DNM3: variants seen among roughly 807,000 people sequenced by gnomAD.
The protein encoded by DNM3 is dynamin-3.
Under a neutral mutation model 101.6 loss-of-function variants are expected in DNM3, and 47 were observed. That is an observed-to-expected ratio of 0.46 (90% CI 0.37 to 0.59). The LOEUF is 0.59. Ranked by LOEUF, DNM3 falls within the 20% of genes least tolerant of loss-of-function variation. DNM3 has a pLI of 0.00. For synonymous variants in DNM3, 385 were observed against 387.9 expected, an observed-to-expected ratio of 0.99 and a Z score of 0.09; for missense variants, 849 against 1,085.7, an observed-to-expected ratio of 0.78 and a Z score of 3.06.
chr1:172,397,721 G>A (rs1184031156), intron 20 of DNM3, among the ~76,000 whole-genome samples: 1 of 151,230 alleles, frequency 6.6e-6, no homozygotes, highest in African/African-American at 2.4e-5. Flanking sequence ...TAAAACTTTG[G>A]TGTATAACTG....
chr1:171,969,740 C>T (rs2043852386), intron 2 of DNM3, among the ~76,000 whole-genome samples: 1 of 152,124 alleles, frequency 6.6e-6, no homozygotes, highest in East Asian at 1.9e-4. Flanking sequence ...TTTAGTTCAG[C>T]ATGTCAAAAC....
intron 11 of DNM3, among the ~76,000 whole-genome samples, chr1:172,077,227 T>C (rs1177995028): frequency 2.0e-5 from 3 of 152,230 alleles, no homozygotes; most frequent in African/African-American, 7.2e-5. Context: ...TTAATCTGGC[T>C]AGCAGTCTAT....
intron 1 of DNM3, among the ~76,000 whole-genome samples, chr1:171,919,675 G>A (rs2040001526): frequency 6.6e-6 from 1 of 152,134 alleles, no homozygotes; most frequent in African/African-American, 2.4e-5. Context: ...GATTGTTGAA[G>A]CCATCTAAAC....
At chr1:172,228,129 G>T (rs1387232446) in intron 14 of DNM3, among the ~76,000 whole-genome samples, 1 of 150,822 alleles carries the variant, frequency 6.6e-6, no homozygotes, top group Non-Finnish European at 1.5e-5. Context: ...TTTCAATTTT[G>T]TTCATTATTT....
intron 1 of DNM3, among the ~76,000 whole-genome samples, chr1:171,885,244 G>T (rs965792656): frequency 8.6e-5 from 13 of 151,894 alleles, no homozygotes; most frequent in African/African-American, 2.4e-4. Context: ...ATTGTTTTAC[G>T]GAAAAATAAA....
At chr1:172,282,930 A>G (rs754305155) in intron 15 of DNM3, among the ~76,000 whole-genome samples, 17 of 152,204 alleles carry the variant, frequency 1.1e-4, no homozygotes, top group Admixed American at 2.6e-4. Context: ...TGGGTGGGAC[A>G]TATTTTTATG....
intron 1 of DNM3, among the ~76,000 whole-genome samples, chr1:171,843,763 T>C (rs775312798): frequency 2.9e-4 from 44 of 152,178 alleles, no homozygotes; most frequent in Admixed American, 2.0e-4. Flanking sequence ...ACACTAGCTA[T>C]GTTCTTTTGG....
chr1:172,290,690 G>A (rs555802319), intron 15 of DNM3, among the ~76,000 whole-genome samples: 1 of 152,284 alleles, frequency 6.6e-6, no homozygotes, highest in African/African-American at 2.4e-5. Flanking sequence ...TCATCCCAAT[G>A]AGAGAAGATA....
intron 14 of DNM3, among the ~76,000 whole-genome samples, chr1:172,235,317 G>T (rs1193545670): frequency 6.6e-6 from 1 of 152,168 alleles, no homozygotes; most frequent in Non-Finnish European, 1.5e-5. Flanking sequence ...ACACCAGTTA[G>T]AATGGCAATC....
chr1:172,092,725 A>AC (rs2053994387), intron 12 of DNM3, 99 bp from the exon 13 acceptor site: 2 of 1,208,636 alleles, frequency 1.7e-6, no homozygotes, highest in African/African-American at 1.6e-5. Flanking sequence ...GTCTCCATTG[A>AC]TTTTTTTTTT....
At chr1:171,928,061 T>C (rs911927667) in intron 2 of DNM3, among the ~76,000 whole-genome samples, 4 of 152,210 alleles carry the variant, frequency 2.6e-5, no homozygotes, top group Non-Finnish European at 5.9e-5. Flanking sequence ...GCAGGGTTGT[T>C]CTTTGAAGCT....
chr1:172,235,022 C>T (rs1167868029), intron 14 of DNM3, among the ~76,000 whole-genome samples: 3 of 152,054 alleles, frequency 2.0e-5, no homozygotes, highest in Non-Finnish European at 4.4e-5. Context: ...AACTAAAGAG[C>T]TTCTGCACAG....
At position 172,339,717 on chromosome 1, in the gene DNM3, G is replaced by A. The variant is rs545739568; in HGVS notation, c.1893+16377G>A. Reference sequence around the variant, plus strand: ...CTCCCTGCTTGTCCTGCCTGTTGGAGTTTGATGTCATTTATTGCTTCTCTC... The same window carrying A: ...CTCCCTGCTTGTCCTGCCTGTTGGAATTTGATGTCATTTATTGCTTCTCTC... On this transcript the variant is annotated intron_variant, in intron 17 of 20. Coordinates refer to ENST00000627582, the MANE Select transcript of DNM3 (RefSeq NM_015569.5). Among the ~76,000 whole-genome samples, 3 of 152,268 alleles carry A rather than the reference G, an allele frequency of 2.0e-5. No individual in the cohort carries two copies. In the South Asian group the frequency reaches 6.2e-4, roughly 32 times the overall value.
chr1:171,963,604 A>G (rs2125512744), intron 2 of DNM3, among the ~76,000 whole-genome samples: 1 of 152,236 alleles, frequency 6.6e-6, no homozygotes, highest in Admixed American at 6.5e-5. Flanking sequence ...GGGGTAATGC[A>G]TATGCAGGGG....
intron 14 of DNM3, among the ~76,000 whole-genome samples, chr1:172,176,902 G>A (rs2059171246): frequency 6.6e-6 from 1 of 151,538 alleles, no homozygotes; most frequent in African/African-American, 2.4e-5. Flanking sequence ...GTTGGAGGGA[G>A]GAAAAATAGA....
At chr1:172,118,986 T>A (rs1480393829) in intron 13 of DNM3, among the ~76,000 whole-genome samples, 1 of 151,756 alleles carries the variant, frequency 6.6e-6, no homozygotes, top group Non-Finnish European at 1.5e-5. Flanking sequence ...GTCATACTAG[T>A]TGTTAATTTT....
Position 172,020,721 on chromosome 1 carries a change from C to CAAAA in DNM3, c.590-11661_590-11658dup, listed in dbSNP as rs3051630. On this transcript the variant is annotated intron_variant, in intron 4 of 20. Transcript: ENST00000627582. The stretch of plus-strand genomic sequence containing the variant: ...CCTGGGCGACAGTGTGAGACTCCGT[C>CAAAA]AAAAAAAAAAAAAAAAAAAAAAAGA... 4.0e-3 allele frequency among the ~76,000 whole-genome samples: 265 copies of CAAAA among 66,306 alleles called. 12 individuals are homozygous for CAAAA. The highest frequency in any genetic ancestry group is 6.9e-3 in the South Asian group (13 of 1,896). 43.5% of individuals were successfully genotyped at this position (66,306 alleles called of 152,430 possible). A position where few individuals can be genotyped will look rare whatever the true frequency, so the allele number is the denominator to read the frequency against.
Position 171,987,661 on chromosome 1 carries a change from G to T in DNM3, c.241G>T (p.Ala81Ser), listed in dbSNP as rs966446156. Reference sequence around the variant, plus strand: ...TTTTGGTTTTATTTTTGTAGAATATGCCGAGTTTCTACATTGCAAAGGAAA... The same window carrying T: ...TTTTGGTTTTATTTTTGTAGAATATTCCGAGTTTCTACATTGCAAAGGAAA... Reference protein sequence around the residue: ...LQLVTSKAEYAEFLHCKGKKF... With the variant: ...LQLVTSKAEYSEFLHCKGKKF... Residue 81 changes from alanine (A) to serine (S), a missense_variant, in exon 3 of 21, where the codon GCC (alanine) becomes TCC (serine). This residue lies in a region of DNM3 where 388 missense variants were observed against 483.0 expected (regional missense o/e 0.80). Transcript: ENST00000627582. The T allele has an allele frequency of 6.4e-7, 1 of 1,572,974 alleles. No individual in the cohort carries two copies. The highest frequency in any genetic ancestry group is 1.4e-5 in the African/African-American group (1 of 72,894).
intron 1 of DNM3, among the ~76,000 whole-genome samples, chr1:171,886,102 G>A (rs1209531480): frequency 6.6e-6 from 1 of 152,136 alleles, no homozygotes; most frequent in Non-Finnish European, 1.5e-5. Flanking sequence ...TTAAATTCTG[G>A]GAATTTTGCT....
Sources: gnomAD v4.1 joint callset for allele counts (sites outside exome capture counted in the v4.1 genomes callset) on GRCh38, gnomAD v4.1.1 for gene constraint, gnomAD v4.1.1 regional missense constraint, MANE v1.5 for transcripts, NCBI Gene and HGNC (gene_info 2026-07-23, HGNC 2026-07-21) for gene names.